TLL2: variants seen among roughly 807,000 people sequenced by gnomAD.
TLL2 encodes the protein tolloid like 2, also known as tolloid-like protein 2.
In TLL2, 106 loss-of-function variants were observed where a neutral mutation model predicts 123.0. The ratio of observed to expected loss-of-function variants is 0.86; its 90% CI spans 0.74 to 1.01. TLL2 has a LOEUF of 1.01. Ranked by LOEUF, TLL2 falls within the 50% of genes least tolerant of loss-of-function variation. TLL2 has a pLI of 0.00. For missense variants in TLL2, 1,332 were observed against 1,336.7 expected, an observed-to-expected ratio of 1.00 and a Z score of 0.06; for synonymous variants, 494 against 516.8, an observed-to-expected ratio of 0.96 and a Z score of 0.60.
chr10:96,479,376 G>A (rs939923906), intron 2 of TLL2, among the ~76,000 whole-genome samples: 6 of 152,224 alleles, frequency 3.9e-5, no homozygotes, highest in African/African-American at 1.2e-4. Flanking sequence ...CTCATGAACC[G>A]TGGGAGGTGC....
chr10:96,378,876 C>T (rs1846160593), intron 17 of TLL2, 91 bp downstream of exon 17: 3 of 1,534,586 alleles, frequency 2.0e-6, no homozygotes, highest in Non-Finnish European at 2.7e-6. Flanking sequence ...GAGGTCCTCG[C>T]CGCACCTCCT....
rs539457607 is a variant in TLL2 at position 96,467,403 on chromosome 10, T to C, written c.286+12946A>G. Reference sequence around the variant, plus strand: ...ACCACACCTGGCTATTTACTTTTACTTTTTATTTTTGTCAAGACAGAGTCT... The same window carrying C: ...ACCACACCTGGCTATTTACTTTTACCTTTTATTTTTGTCAAGACAGAGTCT... On this transcript the variant is annotated intron_variant, in intron 2 of 20. Coordinates refer to ENST00000357947, the MANE Select transcript of TLL2 (RefSeq NM_012465.4). 5.9e-5 allele frequency among the ~76,000 whole-genome samples: 9 copies of C among 152,274 alleles called. No homozygotes were observed. The East Asian group carries it at 1.7e-3, about 29-fold the overall frequency.
chr10:96,513,669 G>A lies in TLL2; in HGVS notation c.17C>T (p.Ala6Val). Residue 6 changes from alanine to valine, a missense_variant, in exon 1 of 21, where the codon GCA (alanine) becomes GTA (valine). Transcript: ENST00000357947. ...CAGCAGTGACACCAGGGCCCCAAGT[G>A]CAGTCGCCCGGGGCATGGTGGCGCG... MPRAT[A>V]LGALVSLLLL... The A allele has an allele frequency of 6.4e-7, 1 of 1,560,644 alleles. No individual in the cohort carries two copies. The highest frequency in any genetic ancestry group is 2.4e-5 in the East Asian group (1 of 42,504).
At chr10:96,462,239 T>A (rs1210711157) in intron 2 of TLL2, among the ~76,000 whole-genome samples, 1 of 152,204 alleles carries the variant, frequency 6.6e-6, no homozygotes, top group Non-Finnish European at 1.5e-5. Flanking sequence ...AGGGTCTGCC[T>A]CCCTGCCCAG....
At chr10:96,371,861 T>C (rs1215210427) in intron 19 of TLL2, among the ~76,000 whole-genome samples, 1 of 152,202 alleles carries the variant, frequency 6.6e-6, no homozygotes, top group African/African-American at 2.4e-5. Context: ...CCACAGCTTT[T>C]CTTCCACTTA....
intron 2 of TLL2, among the ~76,000 whole-genome samples, chr10:96,456,482 C>A (rs1212816202): frequency 6.6e-6 from 1 of 152,198 alleles, no homozygotes; most frequent in African/African-American, 2.4e-5. Context: ...TGGTAACCCG[C>A]TCTCTGCCTC....
At chr10:96,506,728 G>T (rs1037808882) in intron 1 of TLL2, among the ~76,000 whole-genome samples, 1 of 151,976 alleles carries the variant, frequency 6.6e-6, no homozygotes, top group Non-Finnish European at 1.5e-5. Context: ...CTCGCTGTGT[G>T]GGACAGCAGA....
chr10:96,410,505 G>T, intron 8 of TLL2, 31 bp from the exon 9 acceptor site: 2 of 1,573,490 alleles, frequency 1.3e-6, no homozygotes. Flanking sequence ...CTGTGATGTG[G>T]CATATGCACC....
intron 18 of TLL2, chr10:96,374,430 G>A (rs897632062): frequency 1.3e-5 from 2 of 154,500 alleles, no homozygotes; most frequent in African/African-American, 4.8e-5. Context: ...TCTGCTGCAC[G>A]ACCCTTTAGT....
chr10:96,474,173 G>T (rs1170992548), intron 2 of TLL2, among the ~76,000 whole-genome samples: 1 of 152,172 alleles, frequency 6.6e-6, no homozygotes, highest in Non-Finnish European at 1.5e-5. Flanking sequence ...GCACACAGAA[G>T]ACTTTCTTTC....
chr10:96,437,524 T>A (rs1053115447), intron 3 of TLL2, among the ~76,000 whole-genome samples: 2 of 152,218 alleles, frequency 1.3e-5, no homozygotes, highest in Non-Finnish European at 2.9e-5. Context: ...CCCATGTTGT[T>A]ATTTTATAAC....
chr10:96,377,934 T>C (rs1017511075), intron 17 of TLL2, among the ~76,000 whole-genome samples: 4 of 151,784 alleles, frequency 2.6e-5, no homozygotes, highest in African/African-American at 9.7e-5. Context: ...CTTGGGAGAG[T>C]TGACGTCACT....
rs1034848509 is a variant in TLL2, at chr10:96,396,485, T to C, written c.1385-465A>G. On this transcript the variant is annotated intron_variant, in intron 11 of 20. Transcript: ENST00000357947. Reference sequence around the variant, plus strand: ...TTACTTATTTTACAAAGACAAAACTTTGGCCTCTCTAAAATTGTAATAATT... The same window carrying C: ...TTACTTATTTTACAAAGACAAAACTCTGGCCTCTCTAAAATTGTAATAATT... 2.2e-4 allele frequency among the ~76,000 whole-genome samples: 33 copies of C among 152,174 alleles called. 1 individual carries two copies. The highest frequency in any genetic ancestry group is 1.9e-4 in the East Asian group (1 of 5,202).
chr10:96,381,919 T>C (rs531036166), intron 16 of TLL2, among the ~76,000 whole-genome samples: 13 of 152,312 alleles, frequency 8.5e-5, no homozygotes, highest in Non-Finnish European at 1.5e-4. Context: ...GTCATTTCTA[T>C]GCCAAGCATT....
intron 10 of TLL2, among the ~76,000 whole-genome samples, chr10:96,402,086 C>A (rs1846402922): frequency 6.6e-6 from 1 of 152,140 alleles, no homozygotes. Context: ...AATGTCTCTG[C>A]CAGGTTGCAG....
intron 3 of TLL2, among the ~76,000 whole-genome samples, chr10:96,433,837 G>A (rs1001492771): frequency 6.6e-6 from 1 of 152,006 alleles, no homozygotes; most frequent in Non-Finnish European, 1.5e-5. Context: ...TTGCAGTGGC[G>A]CAATCTCGGC....
chr10:96,459,912 T>C (rs1400895187), intron 2 of TLL2, among the ~76,000 whole-genome samples: 5 of 150,588 alleles, frequency 3.3e-5, no homozygotes, highest in African/African-American at 1.2e-4. Flanking sequence ...CCCAAATGGA[T>C]TGAAAGAAAG....
intron 2 of TLL2, among the ~76,000 whole-genome samples, chr10:96,468,143 C>T (rs912916815): frequency 1.3e-5 from 2 of 152,180 alleles, no homozygotes; most frequent in Non-Finnish European, 2.9e-5. Context: ...TTCTCTTGCG[C>T]CACAGACGTG....
Position 96,370,215 on chromosome 10 carries a change from C to T in TLL2, c.2763G>A (p.Trp921Ter). The T allele has an allele frequency of 6.2e-7, 1 of 1,614,002 alleles. No individual in the cohort carries two copies. The highest frequency in any genetic ancestry group is 8.5e-7 in the Non-Finnish European group (1 of 1,179,918). Residue 921 changes from tryptophan to a stop codon, truncating the protein, a stop_gained, in exon 20 of 21, where the codon TGG becomes TGA. Coordinates refer to ENST00000357947, the MANE Select transcript of TLL2 (RefSeq NM_012465.4). LOFTEE classifies it high-confidence loss of function. ...CGTAGCCGTCCTCTGCCACGATCAC[C>T]CAGTCACAGCGGGCCTCGCTCGGGT... ...NNYPSEARCD[W>*]VIVAEDGYGV...
Sources: gnomAD v4.1 joint callset for allele counts (sites outside exome capture counted in the v4.1 genomes callset) on GRCh38, gnomAD v4.1.1 for gene constraint, MANE v1.5 for transcripts, NCBI Gene and HGNC (gene_info 2026-07-23, HGNC 2026-07-21) for gene names.